The following DAB1 variants were observed in gnomAD, a reference collection of about 807,000 sequenced individuals.
DAB1 encodes the protein disabled homolog 1.
A neutral mutation model predicts 64.6 loss-of-function variants in DAB1; 15 were observed. The observed-to-expected ratio is 0.23, with a 90% CI of 0.16 to 0.36. The LOEUF (loss-of-function observed/expected upper bound fraction) is 0.36. Ranked by LOEUF, DAB1 falls within the 10% of genes least tolerant of loss-of-function variation. DAB1 has a pLI of 1.00. For synonymous variants in DAB1, 235 were observed against 251.9 expected (o/e 0.93, Z 0.64); for missense variants, 596 against 706.7 (o/e 0.84, Z 1.78).
At chr1:57,101,192 C>T (rs1654656052) in intron 4 of DAB1, among the ~76,000 whole-genome samples, 1 of 152,158 alleles carries the variant, frequency 6.6e-6, no homozygotes, top group Non-Finnish European at 1.5e-5. Flanking sequence ...GACCCAAACA[C>T]AAGACTACAC....
At chr1:57,500,321 T>A (rs1374387940) in intron 7 of DAB1, among the ~76,000 whole-genome samples, 1 of 152,198 alleles carries the variant, frequency 6.6e-6, no homozygotes, top group African/African-American at 2.4e-5. Context: ...CTTCACTGTA[T>A]CTGATGCACA....
At chr1:57,700,628 G>A (rs935142960) in intron 6 of DAB1, among the ~76,000 whole-genome samples, 1 of 151,986 alleles carries the variant, frequency 6.6e-6, no homozygotes, top group Admixed American at 6.6e-5. Flanking sequence ...CTTTGTCCTC[G>A]ATCTTTGAGA....
chr1:57,211,540 C>A (rs574619560), intron 2 of DAB1, among the ~76,000 whole-genome samples: 1 of 152,290 alleles, frequency 6.6e-6, no homozygotes, highest in South Asian at 2.1e-4. Flanking sequence ...AGAGACACCA[C>A]TTAACCCTTG....
At chr1:58,387,871 C>T (rs1225234085) in intron 3 of DAB1, among the ~76,000 whole-genome samples, 3 of 151,948 alleles carry the variant, frequency 2.0e-5, no homozygotes, top group African/African-American at 7.2e-5. Flanking sequence ...GGACTACAGG[C>T]GCCCGCCACC....
chr1:57,557,613 A>T (rs1478959646), intron 7 of DAB1, among the ~76,000 whole-genome samples: 1 of 152,110 alleles, frequency 6.6e-6, no homozygotes, highest in Non-Finnish European at 1.5e-5. Context: ...TTGGCTGCTT[A>T]ATATGATTGA....
intron 3 of DAB1, among the ~76,000 whole-genome samples, chr1:58,420,456 T>C (rs951449991): frequency 6.6e-6 from 1 of 152,182 alleles, no homozygotes; most frequent in African/African-American, 2.4e-5. Context: ...TGGAGGTAAA[T>C]ATTGTGCATG....
chr1:58,290,228 C>T (rs187320525), intron 4 of DAB1, among the ~76,000 whole-genome samples: 14 of 152,106 alleles, frequency 9.2e-5, no homozygotes, highest in Non-Finnish European at 1.8e-4. Context: ...CATAAGAGCA[C>T]CTGGAAGGAC....
At chr1:57,204,784 G>A (rs1665407066) in intron 2 of DAB1, among the ~76,000 whole-genome samples, 1 of 152,212 alleles carries the variant, frequency 6.6e-6, no homozygotes, top group Non-Finnish European at 1.5e-5. Context: ...TTGTGATTAT[G>A]GCTGAAGTGC....
At chr1:57,686,326 C>A (rs1171660866) in intron 6 of DAB1, among the ~76,000 whole-genome samples, 1 of 152,144 alleles carries the variant, frequency 6.6e-6, no homozygotes, top group East Asian at 1.9e-4. Flanking sequence ...TAGAAACACA[C>A]AACCTCCTAA....
intron 5 of DAB1, among the ~76,000 whole-genome samples, chr1:58,080,996 C>T (rs1390277675): frequency 1.3e-5 from 2 of 152,204 alleles, no homozygotes; most frequent in Non-Finnish European, 2.9e-5. Context: ...TGGACTCAAG[C>T]TCATACCTGC....
At chr1:58,389,230 T>C (rs61779025) in intron 3 of DAB1, among the ~76,000 whole-genome samples, 6,239 of 152,244 alleles carry the variant, frequency 0.041, 138 homozygotes, top group African/African-American at 0.056. Context: ...CGGAGCCTAG[T>C]TGTTTGAGAC....
intron 3 of DAB1, among the ~76,000 whole-genome samples, chr1:57,143,591 T>C (rs942394178): frequency 5.9e-5 from 9 of 152,120 alleles, no homozygotes; most frequent in Non-Finnish European, 1.3e-4. Context: ...AAAGAAGACA[T>C]ATAAATGAAT....
At chr1:57,597,034 G>A (rs1353949524) in intron 7 of DAB1, among the ~76,000 whole-genome samples, 1 of 152,154 alleles carries the variant, frequency 6.6e-6, no homozygotes, top group African/African-American at 2.4e-5. Flanking sequence ...ATCTGAAAGT[G>A]AGTGTTTATC....
chr1:58,196,280 C>A (rs1201844048), intron 4 of DAB1, among the ~76,000 whole-genome samples: 1 of 152,126 alleles, frequency 6.6e-6, no homozygotes, highest in African/African-American at 2.4e-5. Context: ...AGTTGGAGCA[C>A]CAAGTATGAG....
At position 57,321,353 on chromosome 1, in the gene DAB1, A is replaced by G. The variant is rs190104904; in HGVS notation, c.-136-30187T>C. On this transcript the variant is annotated intron_variant, in intron 1 of 14. Coordinates refer to ENST00000371236, the MANE Select transcript of DAB1 (RefSeq NM_001365792.1). ...TGGCTTTTTCCAGCACCACACGGGA[A>G]GGAGTCAGCCCACCATGGCCCCTTC... 3.2e-3 allele frequency among the ~76,000 whole-genome samples: 491 copies of G among 152,320 alleles called. 7 individuals carry two copies. Among genetic ancestry groups the G allele is most frequent in the African/African-American group, 0.011 (470 of 41,568 alleles).
At chr1:57,028,942 A>C (rs2100411314) in intron 9 of DAB1, among the ~76,000 whole-genome samples, 1 of 152,332 alleles carries the variant, frequency 6.6e-6, no homozygotes, top group South Asian at 2.1e-4. Context: ...ATTTCTGGGG[A>C]GAAATTCAAG....
At chr1:58,522,824 T>C (rs747947311) in intron 2 of DAB1, among the ~76,000 whole-genome samples, 25 of 152,190 alleles carry the variant, frequency 1.6e-4, no homozygotes, top group Non-Finnish European at 3.5e-4. Context: ...AAAATATATT[T>C]ACTATTCATT....
At chr1:58,322,309 C>G (rs779770768) in intron 4 of DAB1, among the ~76,000 whole-genome samples, 6 of 152,114 alleles carry the variant, frequency 3.9e-5, no homozygotes, top group Non-Finnish European at 7.4e-5. Context: ...AGGCAAGCTA[C>G]AGAATGGGAG....
chr1:58,325,670 C>G (rs1488197893), intron 4 of DAB1, among the ~76,000 whole-genome samples: 1 of 152,090 alleles, frequency 6.6e-6, no homozygotes, highest in Non-Finnish European at 1.5e-5. Context: ...TTCATGGGAC[C>G]ATTCTAAAGA....
Sources: allele counts gnomAD v4.1 joint callset (sites outside exome capture counted in the v4.1 genomes callset), GRCh38; gene constraint gnomAD v4.1.1; transcripts MANE v1.5; gene names NCBI Gene and HGNC (gene_info 2026-07-23, HGNC 2026-07-21).